SPTBN1: variants seen among roughly 807,000 people sequenced by gnomAD.
SPTBN1 encodes spectrin beta, non-erythrocytic 1.
SPTBN1 carries 32 observed loss-of-function variants against 266.4 expected under a neutral mutation model. That is an observed-to-expected ratio of 0.12 (90% CI 0.09 to 0.16). The LOEUF (loss-of-function observed/expected upper bound fraction) is 0.16, where lower values mean the gene tolerates loss of function less well. Ranked by LOEUF, SPTBN1 falls within the 10% of genes least tolerant of loss-of-function variation. SPTBN1 has a pLI of 1.00. For missense variants in SPTBN1, 2,296 were observed against 3,067.1 expected (o/e 0.75, Z 5.94); for synonymous variants, 1,336 against 1,162.2 (o/e 1.15, Z -3.04).
At chr2:54,484,657 T>C (rs1180594121) in intron 1 of SPTBN1, among the ~76,000 whole-genome samples, 1 of 152,200 alleles carries the variant, frequency 6.6e-6, no homozygotes, top group Non-Finnish European at 1.5e-5. Context: ...TTATGGATGT[T>C]TGAGGCCTTT....
At chr2:54,663,696 T>C (rs1681196584) in intron 32 of SPTBN1, 1 of 152,268 alleles carries the variant, frequency 6.6e-6, no homozygotes, top group African/African-American at 2.4e-5. Flanking sequence ...TGGGGGTAAA[T>C]AGCTGTGTGG....
chr2:54,640,536 C>T (rs1286395847), intron 18 of SPTBN1, among the ~76,000 whole-genome samples: 1 of 152,128 alleles, frequency 6.6e-6, no homozygotes, highest in Non-Finnish European at 1.5e-5. Context: ...CCATCATCAT[C>T]TTTGTAGTGG....
rs886212531 is a variant in SPTBN1 at position 54,653,946 on chromosome 2, C to T, written c.5822+93C>T. 1 of 1,532,540 alleles carries T rather than the reference C, an allele frequency of 6.5e-7. No homozygotes were observed. Among genetic ancestry groups the T allele is most frequent in the African/African-American group, 1.4e-5 (1 of 71,390 alleles). 94.9% of individuals were successfully genotyped at this position (1,532,540 alleles called of 1,614,324 possible). A position where few individuals can be genotyped will look rare whatever the true frequency, so the allele number is the denominator to read the frequency against. On this transcript the variant is annotated intron_variant, in intron 27 of 35. Transcript: ENST00000356805. This position sits in a 1 kb window ranked among gnomAD's most constrained non-coding sequence, Gnocchi z 5.1. ...GAGAAGCAGGAGCCTTGAAAGCGTT[C>T]CTGCCTGAGCGCTTCAAGGCCAGAG...
chr2:54,473,094 T>C lies in SPTBN1; in HGVS notation c.-48+16576T>C, dbSNP rs1447959102. Among the ~76,000 whole-genome samples the C allele has an allele frequency of 2.0e-5, 3 of 152,220 alleles. No individual in the cohort carries two copies. In the East Asian group the frequency reaches 5.8e-4, roughly 29 times the overall value. Reference sequence around the variant, plus strand: ...TTTCTTTTGTTTCACTGTCTTCATATGTGTAAGTCTTGAATTTTGCTTTGT... The same window carrying C: ...TTTCTTTTGTTTCACTGTCTTCATACGTGTAAGTCTTGAATTTTGCTTTGT... On this transcript the variant is annotated intron_variant, in intron 1 of 35. Coordinates refer to ENST00000356805, the MANE Select transcript of SPTBN1 (RefSeq NM_003128.3).
chr2:54,542,255 G>C (rs1234358849), intron 2 of SPTBN1, among the ~76,000 whole-genome samples: 1 of 152,196 alleles, frequency 6.6e-6, no homozygotes, highest in Non-Finnish European at 1.5e-5. Context: ...TAGATGAAAG[G>C]GATTTCAGGC....
At chr2:54,510,612 A>G (rs1002217429) in intron 1 of SPTBN1, among the ~76,000 whole-genome samples, 1 of 152,268 alleles carries the variant, frequency 6.6e-6, no homozygotes, top group Non-Finnish European at 1.5e-5. Flanking sequence ...TTGAGATAGG[A>G]AAAACAAAGT....
At chr2:54,641,764 T>C (rs918778756) in intron 18 of SPTBN1, among the ~76,000 whole-genome samples, 1 of 148,112 alleles carries the variant, frequency 6.8e-6, no homozygotes, top group African/African-American at 2.5e-5. Context: ...AGAGGGCTCC[T>C]GTGACCCACG....
At chr2:54,656,824 T>C (rs1453569713) in intron 29 of SPTBN1, among the ~76,000 whole-genome samples, 2 of 152,172 alleles carry the variant, frequency 1.3e-5, no homozygotes, top group African/African-American at 4.8e-5. Flanking sequence ...TTGAGAATTG[T>C]GGGGCAGTTT....
At chr2:54,503,370 A>G (rs577346093) in intron 1 of SPTBN1, among the ~76,000 whole-genome samples, 5 of 152,314 alleles carry the variant, frequency 3.3e-5, no homozygotes, top group East Asian at 1.9e-4. Context: ...GTGGCTTTGC[A>G]GTCAGAGCAA....
chr2:54,544,984 T>G (rs1276513763), intron 2 of SPTBN1, among the ~76,000 whole-genome samples: 2 of 152,162 alleles, frequency 1.3e-5, no homozygotes, highest in East Asian at 1.9e-4. Context: ...TGTGCATGTG[T>G]TCTCATTGTT....
At chr2:54,478,047 C>T (rs1489006443) in intron 1 of SPTBN1, among the ~76,000 whole-genome samples, 1 of 152,170 alleles carries the variant, frequency 6.6e-6, no homozygotes, top group Non-Finnish European at 1.5e-5. Context: ...AAAAAGCATT[C>T]ATGACCCATC....
intron 3 of SPTBN1, among the ~76,000 whole-genome samples, chr2:54,606,858 G>A (rs768407717): frequency 6.6e-6 from 1 of 152,224 alleles, no homozygotes; most frequent in South Asian, 2.1e-4. Flanking sequence ...ACCGTGGAGA[G>A]AGAGCACCAG....
intron 2 of SPTBN1, among the ~76,000 whole-genome samples, chr2:54,579,811 G>A (rs562443012): frequency 1.3e-5 from 2 of 152,356 alleles, no homozygotes; most frequent in South Asian, 2.1e-4. Context: ...TTGCCAGAAA[G>A]TATAGTGAGA....
At position 54,558,722 on chromosome 2, in the gene SPTBN1, A is replaced by AG. The variant is rs1673056149; in HGVS notation, c.148+32161dup. On this transcript the variant is annotated intron_variant, in intron 2 of 35. Coordinates refer to ENST00000356805, the MANE Select transcript of SPTBN1 (RefSeq NM_003128.3). This position sits in a 1 kb window ranked among gnomAD's most constrained non-coding sequence, Gnocchi z 4.6. ...CTGCTGCGTGTTGGATGGGAGTGGGAGGGGGCTGGAGCGAGATTTCCAGGG... is the reference window on the plus strand; with the variant it reads ...CTGCTGCGTGTTGGATGGGAGTGGGAGGGGGGCTGGAGCGAGATTTCCAGGG... 1.3e-6 allele frequency: 2 copies of AG among 1,580,898 alleles called. No homozygotes were observed. The highest frequency in any genetic ancestry group is 4.6e-5 in the East Asian group (2 of 43,796).
chr2:54,540,316 G>T lies in SPTBN1; in HGVS notation c.148+13750G>T, dbSNP rs1347865773. On this transcript the variant is annotated intron_variant, in intron 2 of 35. Transcript: ENST00000356805. This position sits in a 1 kb window ranked among gnomAD's most constrained non-coding sequence, Gnocchi z 5.6. ...ATATTTGTCTTAGATTTTCATTCTG[G>T]CAGTGTCTGTATGATGTTAACATGC... 1.3e-5 allele frequency among the ~76,000 whole-genome samples: 2 copies of T among 152,112 alleles called. No homozygotes were observed.
In SPTBN1 at chr2:54,653,647, G is replaced by A. The variant is rs772273548; in HGVS notation, c.5616G>A (p.Ala1872=). 14 of 1,613,820 alleles carry A rather than the reference G, an allele frequency of 8.7e-6. No homozygotes were observed. Among genetic ancestry groups the A allele is most frequent in the Admixed American group, 1.7e-5 (1 of 59,942 alleles). ...AGGAGGATGCAGCCCGCCTCCAGGC[G>A]GCCTATGCGGGTGACAAGGCCGACG... is the stretch of plus-strand genomic sequence containing the variant. ...QLQEDAARLQ[A]AYAGDKADDI... The change falls in exon 27 of 36, where the codon GCG becomes GCA. Residue 1872 remains alanine (A), a synonymous_variant. Transcript: ENST00000356805. This position sits in a 1 kb window ranked among gnomAD's most constrained non-coding sequence, Gnocchi z 5.1.
intron 2 of SPTBN1, among the ~76,000 whole-genome samples, chr2:54,568,263 C>T (rs769853437): frequency 2.0e-5 from 3 of 150,020 alleles, no homozygotes; most frequent in Non-Finnish European, 4.4e-5. Flanking sequence ...CATGTGTAAT[C>T]CCAGCTACTC....
At chr2:54,667,483 A>G in intron 34 of SPTBN1, 121 bp from the exon 35 acceptor site, 1 of 863,004 alleles carries the variant, frequency 1.2e-6, no homozygotes, top group South Asian at 1.7e-5. Context: ...TGACATATGT[A>G]GGTTGACGCT....
intron 1 of SPTBN1, among the ~76,000 whole-genome samples, chr2:54,507,162 C>G (rs1669616709): frequency 6.6e-6 from 1 of 152,078 alleles, no homozygotes; most frequent in Admixed American, 6.5e-5. Context: ...AGGAACAAAT[C>G]ACAATGGTGG....
Sources: gnomAD v4.1 joint callset for allele counts (sites outside exome capture counted in the v4.1 genomes callset) on GRCh38, gnomAD v4.1.1 for gene constraint, Gnocchi (gnomAD v3.1) non-coding constraint, MANE v1.5 for transcripts, NCBI Gene and HGNC (gene_info 2026-07-23, HGNC 2026-07-21) for gene names.